The following PLCB1 variants were observed in gnomAD, a reference collection of about 807,000 sequenced individuals.
The protein encoded by PLCB1 is phospholipase C beta 1.
PLCB1 carries 46 observed loss-of-function variants against 161.8 expected under a neutral mutation model. The ratio of observed to expected loss-of-function variants is 0.28; its 90% confidence interval spans 0.22 to 0.36. PLCB1 has a LOEUF of 0.36. Ranked by LOEUF, PLCB1 falls within the 10% of genes least tolerant of loss-of-function variation. PLCB1 has a pLI of 1.00. For synonymous variants in PLCB1, 517 were observed against 503.7 expected, an observed-to-expected ratio of 1.03 and a Z score of -0.35; for missense variants, 1,016 against 1,472.5, an observed-to-expected ratio of 0.69 and a Z score of 5.07.
chr20:8,350,481 T>C (rs1425586056), intron 2 of PLCB1, among the ~76,000 whole-genome samples: 1 of 152,230 alleles, frequency 6.6e-6, no homozygotes, highest in Non-Finnish European at 1.5e-5. Context: ...TTTCTTCATC[T>C]AGCCTATCAT....
At chr20:8,847,382 A>G (rs1986727252) in intron 31 of PLCB1, among the ~76,000 whole-genome samples, 1 of 152,164 alleles carries the variant, frequency 6.6e-6, no homozygotes, top group East Asian at 1.9e-4. Context: ...CTCCCTTTCA[A>G]ACACCCAGCC....
At position 8,211,192 on chromosome 20, in the gene PLCB1, C is replaced by G. The variant is rs192257469; in HGVS notation, c.177+60821C>G. On this transcript the variant is annotated intron_variant, in intron 2 of 31. Coordinates refer to ENST00000338037, the MANE Select transcript of PLCB1 (RefSeq NM_015192.4). Reference sequence around the variant, plus strand: ...GGATTCTACTTCCTGAGATTATGCCCCTTAGCAAGATTCTGGTTGGATGAG... The same window carrying G: ...GGATTCTACTTCCTGAGATTATGCCGCTTAGCAAGATTCTGGTTGGATGAG... Among the ~76,000 whole-genome samples, 288 of 152,110 alleles carry G rather than the reference C, an allele frequency of 1.9e-3. 1 individual carries two copies. Among genetic ancestry groups the G allele is most frequent in the African/African-American group, 6.2e-3 (259 of 41,512 alleles).
intron 2 of PLCB1, among the ~76,000 whole-genome samples, chr20:8,364,593 T>G (rs1251851014): frequency 6.6e-6 from 1 of 152,232 alleles, no homozygotes; most frequent in Non-Finnish European, 1.5e-5. Flanking sequence ...GTCCAAAGTC[T>G]GAAATACCTA....
chr20:8,660,265 C>T (rs1348050691), intron 9 of PLCB1, among the ~76,000 whole-genome samples: 1 of 151,986 alleles, frequency 6.6e-6, no homozygotes, highest in African/African-American at 2.4e-5. Context: ...CCCTTCCTTC[C>T]CTAGTACACA....
At chr20:8,324,967 GAT>G (rs1410395789) in intron 2 of PLCB1, among the ~76,000 whole-genome samples, 2 of 152,168 alleles carry the variant, frequency 1.3e-5, no homozygotes, top group Admixed American at 1.3e-4. Context: ...TAAAGTTTTT[GAT>G]AATTAAAGAT....
intron 3 of PLCB1, among the ~76,000 whole-genome samples, chr20:8,519,461 A>G (rs899637167): frequency 6.6e-6 from 1 of 152,116 alleles, no homozygotes; most frequent in Non-Finnish European, 1.5e-5. Context: ...ATACAAAACG[A>G]AACAAAGCAC....
chr20:8,201,721 C>G (rs1457756804), intron 2 of PLCB1, among the ~76,000 whole-genome samples: 1 of 152,100 alleles, frequency 6.6e-6, no homozygotes, highest in African/African-American at 2.4e-5. Context: ...TATAGATAGC[C>G]TGAAAAGCAA....
chr20:8,734,115 G>A (rs1380341149), intron 19 of PLCB1, among the ~76,000 whole-genome samples: 9 of 113,388 alleles, frequency 7.9e-5, no homozygotes, highest in African/African-American at 2.7e-4. Context: ...GCGACAGAGC[G>A]AGAGAGCGAG....
chr20:8,514,333 G>A (rs1431846988), intron 3 of PLCB1, among the ~76,000 whole-genome samples: 4 of 151,342 alleles, frequency 2.6e-5, no homozygotes, highest in South Asian at 2.1e-4. Context: ...CCAGCTACTC[G>A]GGAGGCTGAG....
At chr20:8,839,734 T>G in intron 31 of PLCB1, among the ~76,000 whole-genome samples, 1 of 101,272 alleles carries the variant, frequency 9.9e-6, no homozygotes, top group South Asian at 3.3e-4. Flanking sequence ...TTAGTAATTC[T>G]TAAAAAAAAA....
chr20:8,684,562 A>G (rs1294160149), intron 9 of PLCB1, among the ~76,000 whole-genome samples: 3 of 152,174 alleles, frequency 2.0e-5, no homozygotes, highest in African/African-American at 7.2e-5. Context: ...ATTATAAAGT[A>G]ACATACATTA....
intron 1 of PLCB1, among the ~76,000 whole-genome samples, chr20:8,145,813 ATATT>A (rs1216083726): frequency 6.6e-6 from 1 of 152,226 alleles, no homozygotes; most frequent in Admixed American, 6.5e-5. Flanking sequence ...TACGAATACT[ATATT>A]TAATTTAATC....
chr20:8,649,332 G>A (rs1240652019), intron 6 of PLCB1, 42 bp from the exon 7 acceptor site: 5 of 1,300,762 alleles, frequency 3.8e-6, no homozygotes, highest in East Asian at 2.3e-5. Flanking sequence ...TGTGATCCAT[G>A]TGCCATTTAA....
intron 31 of PLCB1, among the ~76,000 whole-genome samples, chr20:8,875,607 AC>A (rs930646274): frequency 9.3e-5 from 14 of 150,750 alleles, no homozygotes; most frequent in Non-Finnish European, 1.9e-4. Flanking sequence ...GGGCAAAATG[AC>A]CTGAGTTGGA....
chr20:8,211,367 T>A (rs1600236530), intron 2 of PLCB1, among the ~76,000 whole-genome samples: 1 of 152,258 alleles, frequency 6.6e-6, no homozygotes, highest in East Asian at 1.9e-4. Flanking sequence ...CACTTAAAAC[T>A]CTCCACGCCC....
At chr20:8,823,353 C>A (rs1001811360) in intron 31 of PLCB1, among the ~76,000 whole-genome samples, 1 of 152,104 alleles carries the variant, frequency 6.6e-6, no homozygotes, top group African/African-American at 2.4e-5. Flanking sequence ...AAACTCCTGA[C>A]CTCAGGTGAT....
chr20:8,588,964 C>G (rs1987068423), intron 3 of PLCB1, among the ~76,000 whole-genome samples: 1 of 152,158 alleles, frequency 6.6e-6, no homozygotes, highest in South Asian at 2.1e-4. Context: ...AATCTACAAA[C>G]ACATATCGGA....
chr20:8,725,883 A>AT (rs751803561), intron 16 of PLCB1, among the ~76,000 whole-genome samples: 9 of 152,290 alleles, frequency 5.9e-5, no homozygotes, highest in Non-Finnish European at 1.3e-4. Context: ...CTTGTGTTTA[A>AT]TATCATTTTA....
At chr20:8,759,194 T>C (rs1981889549) in intron 24 of PLCB1, among the ~76,000 whole-genome samples, 1 of 152,190 alleles carries the variant, frequency 6.6e-6, no homozygotes, top group South Asian at 2.1e-4. Context: ...CATGATTAGG[T>C]TGAGGGCATG....
Sources: allele counts gnomAD v4.1 joint callset (sites outside exome capture counted in the v4.1 genomes callset), GRCh38; gene constraint gnomAD v4.1.1; transcripts MANE v1.5; gene names NCBI Gene and HGNC (gene_info 2026-07-23, HGNC 2026-07-21).